The following C1orf54 variants were observed in gnomAD, a reference collection of about 807,000 sequenced individuals.
The protein encoded by C1orf54 is uncharacterized protein C1orf54.
In C1orf54, 12 loss-of-function variants were observed where a neutral mutation model predicts 14.7. That is an observed-to-expected ratio of 0.82 (90% CI 0.52 to 1.32). The LOEUF is 1.32. Among genes scored for constraint, C1orf54 ranks in the 40% most tolerant of loss-of-function variants. C1orf54 has a pLI of 0.00. For synonymous variants in C1orf54, 65 were observed against 56.3 expected (o/e 1.16, Z -0.70); for missense variants, 163 against 162.2 (o/e 1.00, Z -0.03).
chr1:150,272,791 T>C lies in C1orf54; in HGVS notation c.-27T>C. ...GAAACTCTGTAATTTCCTTTTTTACTTTCACAGCAATAGTGCAGAATCCAG... is the reference window on the plus strand; with the variant it reads ...GAAACTCTGTAATTTCCTTTTTTACCTTCACAGCAATAGTGCAGAATCCAG... On this transcript the variant is annotated 5_prime_UTR_variant, in exon 1 of 6. Coordinates refer to ENST00000369099, the MANE Select transcript of C1orf54 (RefSeq NM_024579.4). 2 of 1,613,716 alleles carry C rather than the reference T, an allele frequency of 1.2e-6. No homozygotes were observed. The highest frequency in any genetic ancestry group is 1.7e-6 in the Non-Finnish European group (2 of 1,179,740).
intron 2 of C1orf54, 141 bp from the exon 3 acceptor site, chr1:150,275,600 C>T: frequency 3.3e-6 from 2 of 611,416 alleles, no homozygotes; most frequent in South Asian, 4.8e-5. Flanking sequence ...TCATTTTTAA[C>T]ATTAGTTAAA....
chr1:150,271,079 C>A (rs1314805465), upstream of C1orf54, among the ~76,000 whole-genome samples: 1 of 151,384 alleles, frequency 6.6e-6, no homozygotes, highest in Non-Finnish European at 1.5e-5. Context: ...CTGAGCCCAG[C>A]AGGCAGAGTA....
chr1:150,275,891 C>T (rs1652606375), intron 3 of C1orf54, 92 bp downstream of exon 3: 7 of 1,147,950 alleles, frequency 6.1e-6, no homozygotes, highest in Non-Finnish European at 7.6e-6. Context: ...AATCCCAGCA[C>T]TTTGGGAGGC....
At chr1:150,270,503 CATG>C (rs1553851053), upstream of C1orf54, among the ~76,000 whole-genome samples, 1 of 151,970 alleles carries the variant, frequency 6.6e-6, no homozygotes, top group African/African-American at 2.4e-5. Context: ...ATTAGCCAGG[CATG>C]GTGGTGCGCA....
At chr1:150,280,117 G>T (rs190065489) in intron 5 of C1orf54, among the ~76,000 whole-genome samples, 1 of 152,190 alleles carries the variant, frequency 6.6e-6, no homozygotes, top group African/African-American at 2.4e-5. Flanking sequence ...CCAGCTATTG[G>T]GGGGGATGGG....
intron 3 of C1orf54, 70 bp from the exon 4 acceptor site, chr1:150,276,452 T>G (rs146852269): frequency 7.8e-7 from 1 of 1,289,486 alleles, no homozygotes; most frequent in Non-Finnish European, 1.1e-6. Flanking sequence ...GAACTTTAAG[T>G]AGAGAATCTA....
chr1:150,280,682 A>T (rs868934606), intron 5 of C1orf54, among the ~76,000 whole-genome samples, 153 bp from the exon 6 acceptor site: 1 of 152,172 alleles, frequency 6.6e-6, no homozygotes, highest in East Asian at 1.9e-4. Context: ...AGGACTGTGG[A>T]GGAGAGGGGT....
intron 1 of C1orf54, 102 bp downstream of exon 1, chr1:150,272,965 G>C: frequency 7.8e-7 from 1 of 1,288,246 alleles, no homozygotes; most frequent in African/African-American, 1.5e-5. Flanking sequence ...TTTCAGTGGG[G>C]AGCGATAGAG....
chr1:150,275,373 C>T (rs954640265), intron 2 of C1orf54, among the ~76,000 whole-genome samples: 30 of 150,482 alleles, frequency 2.0e-4, no homozygotes, highest in African/African-American at 6.4e-4. Flanking sequence ...CATGGTGGCA[C>T]ATGGCTGTAG....
chr1:150,279,076 G>A (rs1232743127), intron 4 of C1orf54, among the ~76,000 whole-genome samples: 6 of 152,220 alleles, frequency 3.9e-5, no homozygotes, highest in African/African-American at 1.2e-4. Context: ...TTTGAGACCA[G>A]CCTGGCCAAC....
upstream of C1orf54, chr1:150,268,954 G>A (rs199642580): frequency 6.7e-4 from 437 of 655,570 alleles, no homozygotes; most frequent in Middle Eastern, 7.6e-3. Flanking sequence ...CGGGGAAGGG[G>A]AAGGGGGGGA....
At chr1:150,278,090 T>G (rs1448270644) in intron 4 of C1orf54, among the ~76,000 whole-genome samples, 1 of 87,154 alleles carries the variant, frequency 1.1e-5, no homozygotes, top group Non-Finnish European at 2.2e-5. Context: ...AGAGTGAAAC[T>G]CCATCTCAAA....
upstream of C1orf54, among the ~76,000 whole-genome samples, chr1:150,270,485 T>C (rs1553851051): frequency 6.6e-6 from 1 of 151,288 alleles, no homozygotes; most frequent in African/African-American, 2.4e-5. Context: ...CTACTAAAAA[T>C]ACAAAAAATT....
chr1:150,270,367 C>G (rs116242598), upstream of C1orf54, among the ~76,000 whole-genome samples: 899 of 152,254 alleles, frequency 5.9e-3, 2 homozygotes, highest in Non-Finnish European at 9.5e-3. Flanking sequence ...GGAGGCTGGT[C>G]ACAGTGGCTC....
rs587740737 is a variant in C1orf54, at chr1:150,275,325, C to T, written c.131-416C>T. Among the ~76,000 whole-genome samples the T allele has an allele frequency of 5.7e-4, 60 of 106,182 alleles. 1 individual carries two copies. In the East Asian group the frequency reaches 7.2e-3, roughly 13 times the overall value. The allele number at this position is 106,182 out of a possible 152,430, so 69.7% of individuals were successfully genotyped here. Reference sequence around the variant, plus strand: ...TGCTGGGATTACAGGCTTGAGCCATCGTGCCCGGCCAAATTTTTTTTTTTT... The same window carrying T: ...TGCTGGGATTACAGGCTTGAGCCATTGTGCCCGGCCAAATTTTTTTTTTTT... On this transcript the variant is annotated intron_variant, in intron 2 of 5. Coordinates refer to ENST00000369099, the MANE Select transcript of C1orf54 (RefSeq NM_024579.4).
Position 150,276,505 on chromosome 1 carries a change from A to T in C1orf54, c.190-17A>T. 6.3e-7 allele frequency: 1 copy of T among 1,597,156 alleles called. No homozygotes were observed. The highest frequency in any genetic ancestry group is 2.2e-5 in the East Asian group (1 of 44,800). ...AAAACTGATAACTCTGTGTTTCCCA[A>T]ATCCTACTGAGGGTAGAACAGGTTG... On this transcript the variant is annotated splice_polypyrimidine_tract_variant and intron_variant, in intron 3 of 5. Transcript: ENST00000369099.
rs1553853279 is a variant in C1orf54, at chr1:150,280,803, CTTTTA to C, written c.*4-27_*4-23del. 29 of 1,541,594 alleles carry C rather than the reference CTTTTA, an allele frequency of 1.9e-5. No homozygotes were observed. The Admixed American group carries it at 4.1e-4, about 22-fold the overall frequency. Reference sequence around the variant, plus strand: ...AGGGGTTTCTCGGGTCTCCTGACTCCTTTTATTTTCTTTCTTTCTCTGCTTTTTTA... The same window carrying C: ...AGGGGTTTCTCGGGTCTCCTGACTCCTTTTCTTTCTTTCTCTGCTTTTTTA... On this transcript the variant is annotated intron_variant, in intron 5 of 5. Transcript: ENST00000369099.
upstream of C1orf54, chr1:150,269,685 C>T (rs1447485145): frequency 1.3e-5 from 2 of 151,628 alleles, no homozygotes; most frequent in Non-Finnish European, 2.9e-5. Context: ...TTATGTCATA[C>T]TTCCTCTATT....
upstream of C1orf54, among the ~76,000 whole-genome samples, chr1:150,272,014 C>A (rs1324755861): frequency 6.6e-6 from 1 of 152,126 alleles, no homozygotes; most frequent in Non-Finnish European, 1.5e-5. Context: ...GTGGCACGCG[C>A]CTGTAGTCCC....
Sources: allele counts gnomAD v4.1 joint callset (sites outside exome capture counted in the v4.1 genomes callset), GRCh38; gene constraint gnomAD v4.1.1; transcripts MANE v1.5; gene names NCBI Gene and HGNC (gene_info 2026-07-23, HGNC 2026-07-21).